The following CAPN9 variants were observed in gnomAD, a reference collection of about 807,000 sequenced individuals.
CAPN9 encodes calpain 9.
In CAPN9, 81 loss-of-function variants were observed where a neutral mutation model predicts 92.8. The observed-to-expected ratio is 0.87, with a 90% CI of 0.73 to 1.05. The LOEUF (loss-of-function observed/expected upper bound fraction) is 1.05, where lower values mean the gene tolerates loss of function less well. Ranked by LOEUF, CAPN9 falls within the 50% of genes least tolerant of loss-of-function variation. The probability of loss-of-function intolerance (pLI) is 0.00; values close to 1 mark genes in which losing one functional copy is unlikely to be tolerated. For missense variants in CAPN9, 848 were observed against 866.2 expected, an observed-to-expected ratio of 0.98 and a Z score of 0.26; for synonymous variants, 304 against 328.0, an observed-to-expected ratio of 0.93 and a Z score of 0.79.
Position 230,759,450 on chromosome 1 carries a change from G to C in CAPN9, c.284-62G>C, listed in dbSNP as rs932026968. ...ACTCCCCACATCCCCTTCTGACACA[G>C]AGTTTTCCTATTTGCTGTGAAATAG... is the stretch of plus-strand genomic sequence containing the variant. On this transcript the variant is annotated intron_variant, in intron 2 of 19. Coordinates refer to ENST00000271971, the MANE Select transcript of CAPN9 (RefSeq NM_006615.3). 4.6e-5 allele frequency: 56 copies of C among 1,205,206 alleles called. 1 individual carries two copies. The South Asian group carries it at 7.2e-4, about 15-fold the overall frequency. 74.7% of individuals were successfully genotyped at this position (1,205,206 alleles called of 1,614,324 possible). A position where few individuals can be genotyped will look rare whatever the true frequency, so the allele number is the denominator to read the frequency against.
In CAPN9 at chr1:230,787,636, G is replaced by C. The variant is rs28359698; in HGVS notation, c.1599+34G>C. On this transcript the variant is annotated intron_variant, in intron 13 of 19. Transcript: ENST00000271971. ...TGCCCCACTTCCATCTCCCCACCAGGCTGAGGGCCTGGACCTGCTTCCTAG... is the reference window on the plus strand; with the variant it reads ...TGCCCCACTTCCATCTCCCCACCAGCCTGAGGGCCTGGACCTGCTTCCTAG... 2,203 of 1,581,500 alleles carry C rather than the reference G, an allele frequency of 1.4e-3. 29 individuals are homozygous for C. In the African/African-American group the frequency reaches 0.024, roughly 17 times the overall value.
At chr1:230,777,713 C>T (rs528882460) in intron 8 of CAPN9, among the ~76,000 whole-genome samples, 4 of 152,164 alleles carry the variant, frequency 2.6e-5, no homozygotes, top group Admixed American at 6.5e-5. Flanking sequence ...AGGGACGCCA[C>T]CGACTCTCAC....
intron 13 of CAPN9, among the ~76,000 whole-genome samples, chr1:230,789,768 C>T (rs1227357046): frequency 6.6e-6 from 1 of 152,176 alleles, no homozygotes; most frequent in Non-Finnish European, 1.5e-5. Flanking sequence ...GTCTGGTTTT[C>T]CCAAACTGCC....
At chr1:230,770,861 G>A (rs188999439) in intron 6 of CAPN9, among the ~76,000 whole-genome samples, 5 of 152,274 alleles carry the variant, frequency 3.3e-5, no homozygotes, top group Admixed American at 6.5e-5. Context: ...CTCTGAATGC[G>A]TGGGGAGTAA....
At chr1:230,791,503 T>C (rs1251666682) in intron 14 of CAPN9, among the ~76,000 whole-genome samples, 1 of 152,236 alleles carries the variant, frequency 6.6e-6, no homozygotes, top group African/African-American at 2.4e-5. Context: ...TACTTCATTA[T>C]ATAGACATAG....
chr1:230,759,517 T>C lies in CAPN9; in HGVS notation c.289T>C (p.Cys97Arg), dbSNP rs372966497. The C allele has an allele frequency of 3.2e-5, 51 of 1,605,970 alleles. No individual in the cohort carries two copies. The highest frequency in any genetic ancestry group is 4.2e-5 in the Non-Finnish European group (50 of 1,176,666). Residue 97 changes from cysteine to arginine, a missense_variant, in exon 3 of 20, where the codon TGC becomes CGC. Physicochemically the swap from Cys to Arg is radical, Grantham distance 180 (BLOSUM62 -3). Coordinates refer to ENST00000271971, the MANE Select transcript of CAPN9 (RefSeq NM_006615.3). ...TDICQGELGD[C>R]WLLAAIASLT... is the part of the protein sequence containing the mutation. ...TTATGGCTTCCATTTTGCAGGAGACTGCTGGCTATTAGCCGCCATCGCCTC... is the reference window on the plus strand; with the variant it reads ...TTATGGCTTCCATTTTGCAGGAGACCGCTGGCTATTAGCCGCCATCGCCTC...
At chr1:230,787,327 A>C (rs532244492) in intron 12 of CAPN9, among the ~76,000 whole-genome samples, 195 bp from the exon 13 acceptor site, 1 of 152,274 alleles carries the variant, frequency 6.6e-6, no homozygotes, top group Non-Finnish European at 1.5e-5. Flanking sequence ...CAGCTAATAA[A>C]GTCCTTCTAG....
Position 230,792,842 on chromosome 1 carries a change from C to T in CAPN9, c.1792-8C>T. 3.7e-6 allele frequency: 6 copies of T among 1,612,712 alleles called. No individual in the cohort carries two copies. The highest frequency in any genetic ancestry group is 5.1e-6 in the Non-Finnish European group (6 of 1,178,782). ...TCCTTCTCAAGGCTTCTGCTCTCCA[C>T]CCTTTAGAACCTTTTCCTTCGGTTT... is the stretch of plus-strand genomic sequence containing the variant. On this transcript the variant is annotated splice_polypyrimidine_tract_variant and splice_region_variant and intron_variant, in intron 16 of 19. Coordinates refer to ENST00000271971, the MANE Select transcript of CAPN9 (RefSeq NM_006615.3).
chr1:230,787,546 C>T lies in CAPN9; in HGVS notation c.1543C>T (p.Gln515Ter), dbSNP rs1667691860. 6.2e-7 allele frequency: 1 copy of T among 1,614,000 alleles called. No homozygotes were observed. Among genetic ancestry groups the T allele is most frequent in the Non-Finnish European group, 8.5e-7 (1 of 1,179,936 alleles). ...PEPPKPTPPD[Q>*]ETEEEQRFRA... ...GCCTCCAAAGCCAACTCCACCTGAC[C>T]AGGAGACAGAGGAGGAGCAGCGGTT... The change falls in exon 13 of 20, where the codon CAG becomes TAG. Residue 515 changes from glutamine (Q) to a stop codon, truncating the protein, a stop_gained. Transcript: ENST00000271971. LOFTEE classifies it high-confidence loss of function.
At chr1:230,777,214 A>C (rs1235656498) in intron 8 of CAPN9, among the ~76,000 whole-genome samples, 2 of 152,140 alleles carry the variant, frequency 1.3e-5, no homozygotes, top group Non-Finnish European at 2.9e-5. Context: ...CGGTGGGAGA[A>C]GCCGGGCAGA....
Position 230,798,155 on chromosome 1 carries a change from C to T in CAPN9, c.1988-7C>T, listed in dbSNP as rs745557354. 1.5e-5 allele frequency: 24 copies of T among 1,597,146 alleles called. 1 individual carries two copies. In the South Asian group the frequency reaches 2.5e-4, roughly 17 times the overall value. On this transcript the variant is annotated splice_polypyrimidine_tract_variant and splice_region_variant and intron_variant, in intron 18 of 19. Transcript: ENST00000271971. ...AAAGGATGCCTTTCCCCCTTCTCTC[C>T]TATCAGGGGTGTTCCAGGCTCTCAG... is the stretch of plus-strand genomic sequence containing the variant.
intron 2 of CAPN9, among the ~76,000 whole-genome samples, chr1:230,758,258 C>G (rs1277624895): frequency 2.6e-5 from 4 of 152,212 alleles, no homozygotes; most frequent in African/African-American, 9.6e-5. Context: ...CTCTATTAGA[C>G]TCCTGTTGGC....
At chr1:230,757,428 T>C (rs1039238260) in intron 2 of CAPN9, among the ~76,000 whole-genome samples, 2 of 152,170 alleles carry the variant, frequency 1.3e-5, no homozygotes, top group African/African-American at 4.8e-5. Context: ...CATAAACATA[T>C]ATTTGGAGTT....
At chr1:230,751,653 AAGAAAGAAAGAAAGAAAGAAAG>A (rs1383012942) in intron 1 of CAPN9, among the ~76,000 whole-genome samples, 4 of 76,574 alleles carry the variant, frequency 5.2e-5, no homozygotes, top group Non-Finnish European at 2.6e-5. Context: ...GAAAGAAAGA[AAGAAAGAAAGAAAGAAAGAAAG>A]AAAGAAAGAA....
At chr1:230,768,853 T>G (rs1439627316) in intron 5 of CAPN9, among the ~76,000 whole-genome samples, 1 of 152,232 alleles carries the variant, frequency 6.6e-6, no homozygotes, top group East Asian at 1.9e-4. Flanking sequence ...TTTTCGTCTC[T>G]GGGATGTATG....
intron 8 of CAPN9, 50 bp downstream of exon 8, chr1:230,774,681 C>T: frequency 8.1e-7 from 1 of 1,237,136 alleles, no homozygotes; most frequent in Non-Finnish European, 1.2e-6. Flanking sequence ...AGTCCCATGG[C>T]CCTGGGGCGT....
intron 8 of CAPN9, among the ~76,000 whole-genome samples, chr1:230,777,268 G>A (rs909277489): frequency 2.0e-5 from 3 of 152,100 alleles, no homozygotes; most frequent in South Asian, 2.1e-4. Context: ...AAAGAAGAGC[G>A]TCCATGTGAG....
chr1:230,781,054 A>G (rs1300950414), intron 11 of CAPN9, among the ~76,000 whole-genome samples: 3 of 151,870 alleles, frequency 2.0e-5, no homozygotes, highest in Admixed American at 6.6e-5. Flanking sequence ...TTTTTAGTAG[A>G]GACGGGGTTT....
At position 230,798,094 on chromosome 1, in the gene CAPN9, C is replaced by T. The variant is rs1236504852; in HGVS notation, c.1988-68C>T. On this transcript the variant is annotated intron_variant, in intron 18 of 19. Transcript: ENST00000271971. The stretch of plus-strand genomic sequence containing the variant: ...AGGCTCCACTGGAAGGCCCTTTGGT[C>T]GCTGGGAAACAAACTTGGTAAAGGA... The T allele has an allele frequency of 1.0e-5, 12 of 1,201,472 alleles. No homozygotes were observed. The East Asian group carries it at 1.2e-4, about 12-fold the overall frequency. 74.4% of individuals were successfully genotyped at this position (1,201,472 alleles called of 1,614,324 possible).
Sources: gnomAD v4.1 joint callset for allele counts (sites outside exome capture counted in the v4.1 genomes callset) on GRCh38, gnomAD v4.1.1 for gene constraint, MANE v1.5 for transcripts, NCBI Gene and HGNC (gene_info 2026-07-23, HGNC 2026-07-21) for gene names.